The following RPH3A variants were observed in gnomAD, a reference collection of about 807,000 sequenced individuals.
RPH3A encodes the protein rabphilin-3A.
In RPH3A, 48 loss-of-function variants were observed where a neutral mutation model predicts 102.2. That is an observed-to-expected ratio of 0.47 (90% CI 0.37 to 0.60). The LOEUF (loss-of-function observed/expected upper bound fraction) is 0.60. RPH3A is among the 20% of genes least tolerant of loss of function. The probability of loss-of-function intolerance (pLI) is 0.00; values close to 1 mark genes in which losing one functional copy is unlikely to be tolerated. For missense variants in RPH3A, 781 were observed against 910.1 expected, an observed-to-expected ratio of 0.86 and a Z score of 1.83; for synonymous variants, 310 against 324.3, an observed-to-expected ratio of 0.96 and a Z score of 0.47.
At chr12:112,797,615 A>G (rs551192145) in intron 2 of RPH3A, among the ~76,000 whole-genome samples, 16 of 152,242 alleles carry the variant, frequency 1.1e-4, no homozygotes, top group African/African-American at 3.9e-4. Flanking sequence ...ATTTGTGGCA[A>G]GGCCTTAATA....
chr12:112,682,501 T>C (rs190743227), intron 1 of RPH3A, among the ~76,000 whole-genome samples: 142 of 152,278 alleles, frequency 9.3e-4, no homozygotes, highest in African/African-American at 3.2e-3. Context: ...ACTAGCTATC[T>C]GGGTATCCTT....
At chr12:112,734,039 A>C (rs1425375933) in intron 1 of RPH3A, among the ~76,000 whole-genome samples, 5 of 152,176 alleles carry the variant, frequency 3.3e-5, no homozygotes, top group Non-Finnish European at 7.3e-5. Flanking sequence ...TATTATTCTC[A>C]TTATACAGAT....
At chr12:112,880,067 T>C (rs1373613157) in intron 14 of RPH3A, among the ~76,000 whole-genome samples, 1 of 152,256 alleles carries the variant, frequency 6.6e-6, no homozygotes, top group Non-Finnish European at 1.5e-5. Flanking sequence ...ACTCTTAAAA[T>C]GTCTCAATTT....
At chr12:112,640,781 A>G (rs1040136472) in intron 1 of RPH3A, among the ~76,000 whole-genome samples, 1 of 152,180 alleles carries the variant, frequency 6.6e-6, no homozygotes, top group African/African-American at 2.4e-5. Context: ...AAGAATGATG[A>G]ACATGACAAG....
At chr12:112,699,613 G>T (rs1407696275) in intron 1 of RPH3A, among the ~76,000 whole-genome samples, 2 of 152,204 alleles carry the variant, frequency 1.3e-5, no homozygotes, top group Non-Finnish European at 2.9e-5. Context: ...GTGGTTGCCT[G>T]GGGGTGGGTT....
At chr12:112,867,868 AGGTTTATTT>A (rs1303889070) in intron 7 of RPH3A, among the ~76,000 whole-genome samples, 1 of 152,198 alleles carries the variant, frequency 6.6e-6, no homozygotes, top group Admixed American at 6.5e-5. Context: ...ACAGAGGTCA[AGGTTTATTT>A]GGTGGAGTCC....
chr12:112,796,905 C>A (rs1222558181), intron 2 of RPH3A, among the ~76,000 whole-genome samples: 1 of 152,090 alleles, frequency 6.6e-6, no homozygotes, highest in Non-Finnish European at 1.5e-5. Flanking sequence ...CAAAAATTAG[C>A]TTGGTGTGGT....
intron 1 of RPH3A, among the ~76,000 whole-genome samples, chr12:112,668,651 C>T (rs113284005): frequency 8.5e-5 from 13 of 152,140 alleles, no homozygotes; most frequent in South Asian, 4.2e-4. Flanking sequence ...AAACACCAGG[C>T]CTGTCGGGTG....
chr12:112,711,461 AATG>A (rs1183840740), intron 1 of RPH3A, among the ~76,000 whole-genome samples: 3 of 152,182 alleles, frequency 2.0e-5, no homozygotes, highest in African/African-American at 7.2e-5. Flanking sequence ...AAAAAGTTGA[AATG>A]ATAGCAATGC....
At chr12:112,819,971 C>T (rs1286114359) in intron 2 of RPH3A, among the ~76,000 whole-genome samples, 4 of 152,168 alleles carry the variant, frequency 2.6e-5, no homozygotes, top group Non-Finnish European at 5.9e-5. Flanking sequence ...ATTCAGATTC[C>T]GTGGGTGGGG....
At chr12:112,782,265 TG>T (rs2041015084) in intron 1 of RPH3A, among the ~76,000 whole-genome samples, 1 of 152,224 alleles carries the variant, frequency 6.6e-6, no homozygotes, top group African/African-American at 2.4e-5. Flanking sequence ...ATCTGAGAAA[TG>T]GGGATTAATT....
chr12:112,793,098 C>A (rs779753383), intron 2 of RPH3A, among the ~76,000 whole-genome samples: 1 of 152,076 alleles, frequency 6.6e-6, no homozygotes, highest in African/African-American at 2.4e-5. Context: ...CAGGGTAGAC[C>A]GTCCCCCTGC....
rs1387785097 is a variant in RPH3A, at chr12:112,865,531, G to T, written c.348G>T (p.Glu116Asp). The T allele has an allele frequency of 4.3e-6, 7 of 1,613,510 alleles. No homozygotes were observed. In the African/African-American group the frequency reaches 9.3e-5, roughly 22 times the overall value. The stretch of plus-strand genomic sequence containing the variant: ...TGGGCTCTGCCTGTGTAGTATGTGA[G>T]GACTGTAAGAAGGTATCATCATCCT... The part of the protein sequence containing the change: ...GMLGSACVVC[E>D]DCKKNVCTKC... The change falls in exon 6 of 22, where the codon GAG (glutamate) becomes GAT (aspartate). Residue 116 changes from glutamate to aspartate, a missense_variant. Transcript: ENST00000389385.
At position 112,775,965 on chromosome 12, in the gene RPH3A, G is replaced by A. The variant is rs968893077; in HGVS notation, c.-139-16178G>A. On this transcript the variant is annotated intron_variant, in intron 1 of 21. Coordinates refer to the RPH3A transcript ENST00000543106. ...AAGCAGGGATTATGTTAAATTGACT[G>A]AGTAGAAGTCAGGGGTGAGGGAGAA... Among the ~76,000 whole-genome samples the A allele has an allele frequency of 6.6e-5, 10 of 151,938 alleles. No homozygotes were observed. The East Asian group carries it at 7.7e-4, about 12-fold the overall frequency.
At chr12:112,713,151 C>T (rs562114446) in intron 1 of RPH3A, among the ~76,000 whole-genome samples, 3 of 149,060 alleles carry the variant, frequency 2.0e-5, no homozygotes, top group Admixed American at 1.4e-4. Context: ...AGGCTGGTCT[C>T]GAACTCCTGG....
chr12:112,835,417 A>G (rs1228275322), intron 3 of RPH3A, among the ~76,000 whole-genome samples: 1 of 152,228 alleles, frequency 6.6e-6, no homozygotes. Context: ...AGTTTACTTT[A>G]GTCGATATGA....
intron 21 of RPH3A, 44 bp downstream of exon 21, chr12:112,895,917 C>A: frequency 1.5e-6 from 2 of 1,341,234 alleles, no homozygotes; most frequent in Non-Finnish European, 2.1e-6. Context: ...TTCTGTCCTC[C>A]CCAGAACAGG....
At chr12:112,637,525 A>T (rs1408333697) in intron 1 of RPH3A, among the ~76,000 whole-genome samples, 2 of 152,148 alleles carry the variant, frequency 1.3e-5, no homozygotes, top group African/African-American at 4.8e-5. Context: ...AAACATACAC[A>T]ATGTATTGGC....
At chr12:112,800,516 G>C (rs1463004717) in intron 2 of RPH3A, among the ~76,000 whole-genome samples, 2 of 152,180 alleles carry the variant, frequency 1.3e-5, no homozygotes, top group Non-Finnish European at 2.9e-5. Context: ...TTTTATGCTA[G>C]AGTGATGTGA....
Sources: gnomAD v4.1 joint callset for allele counts (sites outside exome capture counted in the v4.1 genomes callset) on GRCh38, gnomAD v4.1.1 for gene constraint, MANE v1.5 for transcripts, NCBI Gene and HGNC (gene_info 2026-07-23, HGNC 2026-07-21) for gene names.